TSHZ3: variants seen among roughly 807,000 people sequenced by gnomAD.
TSHZ3 encodes teashirt zinc finger homeobox 3, also known as teashirt homolog 3.
Under a neutral mutation model 64.5 loss-of-function variants are expected in TSHZ3, and 10 were observed. That is an observed-to-expected ratio of 0.16 (90% CI 0.10 to 0.26). TSHZ3 has a LOEUF of 0.26. Among genes scored for constraint, TSHZ3 ranks in the 10% least tolerant of loss-of-function variants. The pLI is 1.00. For missense variants in TSHZ3, 1,242 were observed against 1,421.7 expected (o/e 0.87, Z 2.03); for synonymous variants, 608 against 593.1 (o/e 1.03, Z -0.36).
chr19:31,230,984 G>A (rs147174285), intron 3 of TSHZ3, among the ~76,000 whole-genome samples: 2,178 of 151,862 alleles, frequency 0.014, 55 homozygotes, highest in African/African-American at 0.048. Context: ...TTACAGGCAT[G>A]AGCCACCGCC....
chr19:31,247,143 T>C (rs1478192951), intron 1 of TSHZ3, among the ~76,000 whole-genome samples: 2 of 152,186 alleles, frequency 1.3e-5, no homozygotes, highest in African/African-American at 4.8e-5. Context: ...ATCATCATCC[T>C]TGAATCAAAC....
intron 1 of TSHZ3, among the ~76,000 whole-genome samples, chr19:31,304,558 A>T (rs1178087237): frequency 6.6e-6 from 1 of 152,250 alleles, no homozygotes; most frequent in Non-Finnish European, 1.5e-5. Context: ...CTGAAAATGT[A>T]TAATTAAATT....
chr19:31,240,837 A>T (rs1361341518), intron 3 of TSHZ3, among the ~76,000 whole-genome samples: 8 of 151,634 alleles, frequency 5.3e-5, no homozygotes, highest in African/African-American at 1.9e-4. Context: ...AGTTATTATA[A>T]TTTTCTGTTA....
chr19:31,176,304 G>A (rs1171304045), intron 5 of TSHZ3, among the ~76,000 whole-genome samples: 2 of 152,160 alleles, frequency 1.3e-5, no homozygotes, highest in South Asian at 2.1e-4. Flanking sequence ...TTTCAGAGTT[G>A]ACAATCAAGT....
At chr19:31,257,423 C>T (rs750194768) in intron 1 of TSHZ3, among the ~76,000 whole-genome samples, 1 of 152,180 alleles carries the variant, frequency 6.6e-6, no homozygotes, top group Non-Finnish European at 1.5e-5. Context: ...AACATGACCC[C>T]GTAAGCAGGG....
At chr19:31,321,113 G>C (rs1040367824) in intron 1 of TSHZ3, among the ~76,000 whole-genome samples, 5 of 152,252 alleles carry the variant, frequency 3.3e-5, no homozygotes, top group African/African-American at 1.2e-4. Flanking sequence ...GGATGGCAGT[G>C]ATACCATGCA....
At chr19:31,304,077 T>C (rs1259178801) in intron 1 of TSHZ3, among the ~76,000 whole-genome samples, 1 of 151,488 alleles carries the variant, frequency 6.6e-6, no homozygotes, top group Non-Finnish European at 1.5e-5. Flanking sequence ...CGGGTTCAAG[T>C]GATTGTTTTG....
At chr19:31,349,845 G>A (rs974064835), upstream of TSHZ3, among the ~76,000 whole-genome samples, 3 of 148,710 alleles carry the variant, frequency 2.0e-5, no homozygotes, top group Non-Finnish European at 4.5e-5. Flanking sequence ...GTCGGCAACA[G>A]GCAAGCTTAA....
chr19:31,316,100 G>T (rs1227977761), intron 1 of TSHZ3, among the ~76,000 whole-genome samples: 1 of 152,148 alleles, frequency 6.6e-6, no homozygotes, highest in African/African-American at 2.4e-5. Flanking sequence ...TATTAAAACA[G>T]ATAGAAGAAG....
At chr19:31,320,086 T>A (rs1444890820) in intron 1 of TSHZ3, among the ~76,000 whole-genome samples, 2 of 152,176 alleles carry the variant, frequency 1.3e-5, no homozygotes, top group Non-Finnish European at 1.5e-5. Flanking sequence ...TCGGGTTACA[T>A]CTGATCTATA....
At chr19:31,238,037 C>T (rs1030571444) in intron 3 of TSHZ3, among the ~76,000 whole-genome samples, 4 of 152,230 alleles carry the variant, frequency 2.6e-5, no homozygotes, top group South Asian at 2.1e-4. Flanking sequence ...GGTGACCATT[C>T]CATGTGCATT....
chr19:31,253,596 A>G (rs1051957334), intron 1 of TSHZ3, among the ~76,000 whole-genome samples: 2 of 152,106 alleles, frequency 1.3e-5, no homozygotes, highest in African/African-American at 2.4e-5. Flanking sequence ...TTCTGGCCTC[A>G]AGCAATCCTC....
intron 5 of TSHZ3, among the ~76,000 whole-genome samples, chr19:31,161,736 G>A (rs1974376498): frequency 6.6e-6 from 1 of 152,198 alleles, no homozygotes; most frequent in East Asian, 1.9e-4. Context: ...GGCCTATTCT[G>A]TTCCTTTGCC....
At chr19:31,301,930 G>A (rs541425622) in intron 1 of TSHZ3, among the ~76,000 whole-genome samples, 5 of 152,164 alleles carry the variant, frequency 3.3e-5, no homozygotes, top group East Asian at 1.9e-4. Flanking sequence ...GTGGAAAACC[G>A]GCATTTGAAC....
rs1976233201 is a variant in TSHZ3, at chr19:31,276,438, C to G, written c.*109G>C. 2 of 1,030,702 alleles carry G rather than the reference C, an allele frequency of 1.9e-6. No homozygotes were observed. The highest frequency in any genetic ancestry group is 2.9e-6 in the Non-Finnish European group (2 of 697,590). The allele number at this position is 1,030,702 out of a possible 1,614,324, so 63.8% of individuals were successfully genotyped here. Reference sequence around the variant, plus strand: ...CAGTCCAGCCCAGAGTGATTCTCTGCAGTTAAAATAAGAACATGTGCCAAG... The same window carrying G: ...CAGTCCAGCCCAGAGTGATTCTCTGGAGTTAAAATAAGAACATGTGCCAAG... On this transcript the variant is annotated 3_prime_UTR_variant, in exon 2 of 2. Transcript: ENST00000240587.
intron 1 of TSHZ3, among the ~76,000 whole-genome samples, chr19:31,306,502 C>T (rs1916300349): frequency 1.3e-5 from 2 of 152,126 alleles, no homozygotes; most frequent in African/African-American, 4.8e-5. Context: ...GCTCTTTTAT[C>T]TTGAGAGGGC....
intron 4 of TSHZ3, among the ~76,000 whole-genome samples, chr19:31,206,626 G>T (rs1487162603): frequency 6.6e-6 from 1 of 151,958 alleles, no homozygotes; most frequent in Non-Finnish European, 1.5e-5. Flanking sequence ...ACTGCAGCAA[G>T]AAAATTTCAA....
At chr19:31,298,279 C>A (rs1039971939) in intron 1 of TSHZ3, among the ~76,000 whole-genome samples, 1 of 152,112 alleles carries the variant, frequency 6.6e-6, no homozygotes, top group Non-Finnish European at 1.5e-5. Context: ...TGCAGAAACC[C>A]TACAGCTAGG....
At chr19:31,270,378 A>G (rs114040977), downstream of TSHZ3, among the ~76,000 whole-genome samples, 581 of 152,338 alleles carry the variant, frequency 3.8e-3, 1 homozygote, top group African/African-American at 0.013. Context: ...GAGACATCAC[A>G]ATCTGCAGCC....
Sources: gnomAD v4.1 joint callset for allele counts (sites outside exome capture counted in the v4.1 genomes callset) on GRCh38, gnomAD v4.1.1 for gene constraint, MANE v1.5 for transcripts, NCBI Gene and HGNC (gene_info 2026-07-23, HGNC 2026-07-21) for gene names.